Variants in ELOVL5 observed in about 807,000 individuals in gnomAD.
ELOVL5 encodes ELOVL fatty acid elongase 5, also known as very long chain fatty acid elongase 5.
In ELOVL5, 8 loss-of-function variants were observed where a neutral mutation model predicts 38.6. That is an observed-to-expected ratio of 0.21 (90% CI 0.12 to 0.37). The LOEUF (loss-of-function observed/expected upper bound fraction) is 0.37. Among genes scored for constraint, ELOVL5 ranks in the 10% least tolerant of loss-of-function variants. ELOVL5 has a pLI of 1.00. For synonymous variants in ELOVL5, 127 were observed against 133.7 expected (o/e 0.95, Z 0.34); for missense variants, 280 against 367.8 (o/e 0.76, Z 1.95).
chr6:53,270,436 G>GC (rs1166746699), intron 7 of ELOVL5, among the ~76,000 whole-genome samples, 157 bp downstream of exon 7: 1 of 152,282 alleles, frequency 6.6e-6, no homozygotes, highest in Non-Finnish European at 1.5e-5. Context: ...TGAGCTGTGA[G>GC]CCCCCCAGAG....
intron 1 of ELOVL5, among the ~76,000 whole-genome samples, chr6:53,315,401 T>C (rs1286032407): frequency 1.3e-5 from 2 of 152,118 alleles, no homozygotes; most frequent in Non-Finnish European, 2.9e-5. Context: ...AAACCTTCGG[T>C]CCATAACAGA....
chr6:53,281,785 C>T (rs763207293), intron 3 of ELOVL5, among the ~76,000 whole-genome samples: 41 of 151,226 alleles, frequency 2.7e-4, no homozygotes, highest in Non-Finnish European at 4.7e-4. Flanking sequence ...ATAAGGATGC[C>T]CATTAAGATA....
rs927018612 is a variant in ELOVL5 at position 53,326,450 on chromosome 6, G to A, written c.-9+22367C>T. Among the ~76,000 whole-genome samples the A allele has an allele frequency of 1.1e-4, 16 of 152,068 alleles. No individual in the cohort carries two copies. In the South Asian group the frequency reaches 1.2e-3, roughly 12 times the overall value. On this transcript the variant is annotated intron_variant, in intron 1 of 7. Coordinates refer to ENST00000304434, the MANE Select transcript of ELOVL5 (RefSeq NM_021814.5). The stretch of plus-strand genomic sequence containing the variant: ...TGCTTTCCCTAGCCCAACTTCTGCC[G>A]TCCCCTCTTGCTCACTGCCCCCAAC...
chr6:53,322,059 C>A (rs763397540), intron 1 of ELOVL5, among the ~76,000 whole-genome samples: 7 of 152,186 alleles, frequency 4.6e-5, no homozygotes, highest in African/African-American at 7.2e-5. Flanking sequence ...AAGTATTATG[C>A]TTCACATAAA....
At chr6:53,301,720 G>A (rs1767259408) in intron 1 of ELOVL5, among the ~76,000 whole-genome samples, 1 of 141,812 alleles carries the variant, frequency 7.1e-6, no homozygotes, top group Non-Finnish European at 1.5e-5. Flanking sequence ...ATTACGGGCA[G>A]GTAAATTAGA....
chr6:53,305,208 C>T (rs560689851), intron 1 of ELOVL5, among the ~76,000 whole-genome samples: 28 of 148,150 alleles, frequency 1.9e-4, no homozygotes, highest in African/African-American at 7.0e-4. Context: ...CGGGGCTGAC[C>T]CCCCACCTCC....
intron 2 of ELOVL5, 24 bp downstream of exon 2, chr6:53,295,618 A>G: frequency 6.4e-7 from 1 of 1,570,896 alleles, no homozygotes; most frequent in Non-Finnish European, 8.7e-7. Flanking sequence ...TGCAGAAGGT[A>G]AGCAAAACCA....
intron 1 of ELOVL5, among the ~76,000 whole-genome samples, chr6:53,302,368 C>T (rs889717719): frequency 1.3e-5 from 2 of 152,164 alleles, no homozygotes; most frequent in African/African-American, 4.8e-5. Flanking sequence ...CAAATCAGTC[C>T]CCCTCCACCT....
Position 53,320,419 on chromosome 6 carries a change from C to A in ELOVL5, c.-8-24712G>T, listed in dbSNP as rs1406718888. On this transcript the variant is annotated intron_variant, in intron 1 of 7. Transcript: ENST00000304434. ...TGGCGCGATCTCGGCTCACTGCAAG[C>A]TCCTCCCCCTGGGTTCATGCCATTC... Among the ~76,000 whole-genome samples the A allele has an allele frequency of 3.3e-5, 5 of 152,106 alleles. No homozygotes were observed. The South Asian group carries it at 8.3e-4, about 25-fold the overall frequency.
intron 2 of ELOVL5, chr6:53,294,135 C>T (rs1766884462): frequency 7.1e-7 from 1 of 1,409,656 alleles, no homozygotes; most frequent in Non-Finnish European, 9.3e-7. Context: ...CATTTTCCCA[C>T]AAATACTCAT....
intron 1 of ELOVL5, among the ~76,000 whole-genome samples, chr6:53,346,535 A>G (rs1769554836): frequency 6.6e-6 from 1 of 152,206 alleles, no homozygotes; most frequent in South Asian, 2.1e-4. Flanking sequence ...AGACTTATTT[A>G]CAGGTAACTA....
At chr6:53,274,575 G>C (rs1390962504) in intron 5 of ELOVL5, among the ~76,000 whole-genome samples, 1 of 152,194 alleles carries the variant, frequency 6.6e-6, no homozygotes, top group African/African-American at 2.4e-5. Flanking sequence ...CAAAAACCAA[G>C]TACAACCTTA....
intron 3 of ELOVL5, among the ~76,000 whole-genome samples, chr6:53,282,736 AG>A (rs1766407777): frequency 6.6e-6 from 1 of 152,252 alleles, no homozygotes; most frequent in African/African-American, 2.4e-5. Flanking sequence ...AACAGCAAAT[AG>A]CCTTTTCAAA....
chr6:53,347,996 T>C (rs1413676072), intron 1 of ELOVL5, among the ~76,000 whole-genome samples: 2 of 149,426 alleles, frequency 1.3e-5, no homozygotes, highest in Non-Finnish European at 3.0e-5. Context: ...ACACACACTC[T>C]AGCTCCCCCG....
intron 1 of ELOVL5, among the ~76,000 whole-genome samples, chr6:53,310,688 G>A (rs1456199173): frequency 6.6e-6 from 1 of 152,136 alleles, no homozygotes; most frequent in Non-Finnish European, 1.5e-5. Context: ...CAATCTGCCT[G>A]CCTTGGCCTC....
At chr6:53,319,105 A>G (rs577902373) in intron 1 of ELOVL5, among the ~76,000 whole-genome samples, 29 of 151,968 alleles carry the variant, frequency 1.9e-4, no homozygotes, top group Non-Finnish European at 3.8e-4. Flanking sequence ...CCCCGTCTCT[A>G]CTAAAAATAC....
intron 1 of ELOVL5, among the ~76,000 whole-genome samples, chr6:53,306,248 A>G (rs1581958757): frequency 4.4e-4 from 1 of 2,264 alleles, no homozygotes; most frequent in Non-Finnish European, 7.3e-4. Flanking sequence ...GGGAGAGGGG[A>G]GAGGGGAGAG....
At chr6:53,270,867 T>G in intron 6 of ELOVL5, 140 bp from the exon 7 acceptor site, 1 of 848,270 alleles carries the variant, frequency 1.2e-6, no homozygotes, top group East Asian at 2.6e-5. Context: ...AGTCACTTCA[T>G]GAACACAACA....
At position 53,335,279 on chromosome 6, in the gene ELOVL5, G is replaced by A. The variant is rs75380947; in HGVS notation, c.-9+13538C>T. 4.0e-3 allele frequency among the ~76,000 whole-genome samples: 613 copies of A among 152,274 alleles called. 4 individuals carry two copies. The highest frequency in any genetic ancestry group is 0.014 in the African/African-American group (592 of 41,548). ...CCTCCAGAAACCAGTCAAAGGCTCCGGGGAAAATGACCAAACCTGTCCCTG... is the reference window on the plus strand; with the variant it reads ...CCTCCAGAAACCAGTCAAAGGCTCCAGGGAAAATGACCAAACCTGTCCCTG... On this transcript the variant is annotated intron_variant, in intron 1 of 7. Coordinates refer to ENST00000304434, the MANE Select transcript of ELOVL5 (RefSeq NM_021814.5).
Sources: allele counts gnomAD v4.1 joint callset (sites outside exome capture counted in the v4.1 genomes callset), GRCh38; gene constraint gnomAD v4.1.1; transcripts MANE v1.5; gene names NCBI Gene and HGNC (gene_info 2026-07-23, HGNC 2026-07-21).